ABLIM1: variants seen among roughly 807,000 people sequenced by gnomAD.
ABLIM1 encodes actin-binding LIM protein 1.
ABLIM1 carries 40 observed loss-of-function variants against 107.0 expected under a neutral mutation model. The observed-to-expected ratio is 0.37, with a 90% confidence interval of 0.29 to 0.49. ABLIM1 has a LOEUF of 0.49. ABLIM1 is among the 20% of genes least tolerant of loss of function. ABLIM1 has a pLI of 0.97. For synonymous variants in ABLIM1, 357 were observed against 357.3 expected (o/e 1.00, Z 0.01); for missense variants, 857 against 1,008.5 (o/e 0.85, Z 2.04).
At chr10:114,511,290 T>C (rs2061829791) in intron 6 of ABLIM1, among the ~76,000 whole-genome samples, 1 of 152,052 alleles carries the variant, frequency 6.6e-6, no homozygotes, top group African/African-American at 2.4e-5. Context: ...CAAGATGTAT[T>C]GCTGAATCCA....
At chr10:114,612,804 C>G (rs1390695126) in intron 1 of ABLIM1, among the ~76,000 whole-genome samples, 53 of 152,134 alleles carry the variant, frequency 3.5e-4, no homozygotes, top group Admixed American at 3.5e-3. Context: ...CCCATCTGAG[C>G]CATTTACAGA....
At chr10:114,614,589 T>A (rs2077009645) in intron 1 of ABLIM1, among the ~76,000 whole-genome samples, 1 of 152,172 alleles carries the variant, frequency 6.6e-6, no homozygotes, top group African/African-American at 2.4e-5. Flanking sequence ...ATCAGATCAA[T>A]GCCCCACTCA....
intron 7 of ABLIM1, among the ~76,000 whole-genome samples, chr10:114,488,590 C>T (rs2058504357): frequency 6.6e-6 from 1 of 152,198 alleles, no homozygotes; most frequent in Non-Finnish European, 1.5e-5. Context: ...CTTTGGCCTT[C>T]AATCTTTTAA....
intron 6 of ABLIM1, among the ~76,000 whole-genome samples, chr10:114,520,493 C>A (rs767408120): frequency 6.6e-6 from 1 of 151,746 alleles, no homozygotes; most frequent in African/African-American, 2.4e-5. Flanking sequence ...TCAGTGCCAT[C>A]GTGGGAGCTA....
intron 6 of ABLIM1, among the ~76,000 whole-genome samples, chr10:114,537,275 T>C (rs2066144502): frequency 6.6e-6 from 1 of 152,202 alleles, no homozygotes; most frequent in Non-Finnish European, 1.5e-5. Flanking sequence ...ATACATAATA[T>C]TTTACATATT....
intron 1 of ABLIM1, among the ~76,000 whole-genome samples, chr10:114,654,959 C>T (rs1316446298): frequency 6.6e-6 from 1 of 152,174 alleles, no homozygotes; most frequent in African/African-American, 2.4e-5. Context: ...TTTCCCAAGA[C>T]TGAAACAGAT....
chr10:114,724,098 G>C lies in ABLIM1; in HGVS notation c.-213+43963C>G, dbSNP rs537690031. 6.5e-4 allele frequency among the ~76,000 whole-genome samples: 99 copies of C among 152,064 alleles called. 3 individuals are homozygous for C. In the South Asian group the frequency reaches 0.02, roughly 30 times the overall value. On this transcript the variant is annotated intron_variant, in intron 1 of 15. Coordinates refer to the ABLIM1 transcript ENST00000651092. ...GTGATTGCCTCTACTCCAAAATTTTGGTTGCTTTATTAAAAAGAAGCTTCC... is the reference window on the plus strand; with the variant it reads ...GTGATTGCCTCTACTCCAAAATTTTCGTTGCTTTATTAAAAAGAAGCTTCC...
intron 6 of ABLIM1, chr10:114,526,734 T>C: frequency 1.0e-6 from 1 of 985,510 alleles, no homozygotes; most frequent in East Asian, 1.1e-4. Flanking sequence ...AGGCTTCAAG[T>C]TCAGAACACG....
At chr10:114,642,526 G>A (rs1269722479) in intron 1 of ABLIM1, among the ~76,000 whole-genome samples, 1 of 152,132 alleles carries the variant, frequency 6.6e-6, no homozygotes, top group Non-Finnish European at 1.5e-5. Context: ...AGAAGAAAGA[G>A]CCTCAAACAA....
intron 12 of ABLIM1, chr10:114,462,967 T>C: frequency 2.3e-6 from 3 of 1,287,820 alleles, no homozygotes; most frequent in Non-Finnish European, 3.1e-6. Context: ...CTCTTGGAGA[T>C]ACACCTTATT....
chr10:114,741,687 CT>C (rs2082292169), intron 1 of ABLIM1, among the ~76,000 whole-genome samples: 1 of 152,160 alleles, frequency 6.6e-6, no homozygotes, highest in African/African-American at 2.4e-5. Context: ...CCCTCTACCC[CT>C]CCTCAAAATA....
the ABLIM1 span, among the ~76,000 whole-genome samples, chr10:114,785,450 A>C: frequency 6.6e-6 from 1 of 152,244 alleles, no homozygotes; most frequent in Non-Finnish European, 1.5e-5. Flanking sequence ...TAAGTTACTT[A>C]AAGACTTTAT....
At position 114,440,066 on chromosome 10, in the gene ABLIM1, A is replaced by G. The variant is rs375763376; in HGVS notation, c.2067+16T>C. On this transcript the variant is annotated intron_variant, in intron 20 of 22. Coordinates refer to ENST00000533213, the MANE Select transcript of ABLIM1 (RefSeq NM_002313.7). ...TATCGGTGTGGCCAATTCAAGAAAGACAAAGTGTTCCATACCTGGTAATCT... is the reference window on the plus strand; with the variant it reads ...TATCGGTGTGGCCAATTCAAGAAAGGCAAAGTGTTCCATACCTGGTAATCT... 2.5e-6 allele frequency: 4 copies of G among 1,613,844 alleles called. No individual in the cohort carries two copies. Among genetic ancestry groups the G allele is most frequent in the Non-Finnish European group, 1.7e-6 (2 of 1,180,034 alleles).
intron 17 of ABLIM1, among the ~76,000 whole-genome samples, chr10:114,442,418 C>T (rs1486150275): frequency 1.3e-5 from 2 of 152,228 alleles, no homozygotes; most frequent in Admixed American, 1.3e-4. Context: ...GGTTCTGCAA[C>T]TTAATACCTC....
chr10:114,502,213 A>C (rs1388226142), intron 6 of ABLIM1: 1 of 174,740 alleles, frequency 5.7e-6, no homozygotes, highest in Non-Finnish European at 1.3e-5. Context: ...CTGGTAAGTT[A>C]TTCAGGAATA....
Position 114,707,934 on chromosome 10 carries a change from C to CA in ABLIM1, c.-213+60126dup, listed in dbSNP as rs533987850. 8.2e-5 allele frequency among the ~76,000 whole-genome samples: 12 copies of CA among 146,382 alleles called. No homozygotes were observed. The highest frequency in any genetic ancestry group is 5.5e-5 in the African/African-American group (2 of 36,222). On this transcript the variant is annotated intron_variant, in intron 1 of 15. Coordinates refer to the ABLIM1 transcript ENST00000651092. The surrounding 1 kb of genome is among the most constrained non-coding windows in gnomAD (Gnocchi z 4.1). The stretch of plus-strand genomic sequence containing the variant: ...ACAAACAAACAAACAACAACAACAA[C>CA]AAAAAACCTAATTACCAACAGTTTT...
At chr10:114,625,255 G>A (rs139628005) in intron 1 of ABLIM1, among the ~76,000 whole-genome samples, 199 of 152,220 alleles carry the variant, frequency 1.3e-3, no homozygotes, top group African/African-American at 4.7e-3. Context: ...AATAGTCATC[G>A]CACACATGAG....
At chr10:114,656,827 C>T (rs548711632) in intron 1 of ABLIM1, among the ~76,000 whole-genome samples, 39 of 152,180 alleles carry the variant, frequency 2.6e-4, no homozygotes, top group Non-Finnish European at 4.9e-4. Flanking sequence ...AAACGAAAGA[C>T]CACAGATTAT....
intron 1 of ABLIM1, among the ~76,000 whole-genome samples, chr10:114,620,624 C>A (rs1000449237): frequency 6.6e-6 from 1 of 152,084 alleles, no homozygotes; most frequent in Non-Finnish European, 1.5e-5. Flanking sequence ...GTTGCCCAGG[C>A]TGGTCTTGAA....
Sources: gnomAD v4.1 joint callset for allele counts (sites outside exome capture counted in the v4.1 genomes callset) on GRCh38, gnomAD v4.1.1 for gene constraint, Gnocchi (gnomAD v3.1) non-coding constraint, MANE v1.5 for transcripts, NCBI Gene and HGNC (gene_info 2026-07-23, HGNC 2026-07-21) for gene names.